IL19: variants seen among roughly 807,000 people sequenced by gnomAD.
IL19 encodes interleukin 19.
Under a neutral mutation model 19.5 loss-of-function variants are expected in IL19, and 15 were observed. The ratio of observed to expected loss-of-function variants is 0.77; its 90% CI spans 0.52 to 1.19. The LOEUF (loss-of-function observed/expected upper bound fraction) is 1.19. IL19 is among the 50% of genes most tolerant of loss of function. IL19 has a pLI of 0.00. For synonymous variants in IL19, 78 were observed against 78.3 expected (o/e 1.00, Z 0.02); for missense variants, 199 against 213.1 (o/e 0.93, Z 0.41).
intron 2 of IL19, among the ~76,000 whole-genome samples, chr1:206,802,173 G>A (rs1377348498): frequency 1.3e-5 from 2 of 152,100 alleles, no homozygotes; most frequent in African/African-American, 4.8e-5. Context: ...AGAGGCCCAG[G>A]AAGGAAGGTC....
intron 1 of IL19, among the ~76,000 whole-genome samples, chr1:206,791,450 C>T (rs1001328844): frequency 1.4e-4 from 21 of 152,042 alleles, no homozygotes; most frequent in African/African-American, 4.8e-4. Context: ...TCACAGGCGC[C>T]GGCCATCATG....
chr1:206,818,434 C>CA (rs1253350282), intron 2 of IL19, among the ~76,000 whole-genome samples: 2 of 152,002 alleles, frequency 1.3e-5, no homozygotes, highest in African/African-American at 4.8e-5. Flanking sequence ...TGAAACCAGA[C>CA]AAAAAAGACT....
intron 1 of IL19, among the ~76,000 whole-genome samples, chr1:206,773,411 T>C (rs2102442039): frequency 6.6e-6 from 1 of 152,310 alleles, no homozygotes; most frequent in Non-Finnish European, 1.5e-5. Context: ...GAGTTTCTTT[T>C]AGTTGTAAGC....
intron 2 of IL19, among the ~76,000 whole-genome samples, chr1:206,804,188 C>T (rs1675788374): frequency 6.6e-6 from 1 of 152,174 alleles, no homozygotes; most frequent in Non-Finnish European, 1.5e-5. Context: ...CCACATTCAC[C>T]TGCCTATCAA....
chr1:206,840,918 T>C, intron 5 of IL19, 86 bp from the exon 6 acceptor site: 1 of 1,080,712 alleles, frequency 9.3e-7, no homozygotes, highest in Non-Finnish European at 1.4e-6. Context: ...GGAGGAGAAA[T>C]GTCACTTCTC....
rs770379478 is a variant in IL19, at chr1:206,840,016, T to C, written c.363+14T>C. ...CTGCGGCAATGTGTGAGTCACTGGG[T>C]CAGAATTCCAGCATCTGCTCCCTGT... On this transcript the variant is annotated intron_variant, in intron 5 of 6. Coordinates refer to ENST00000659997, the MANE Select transcript of IL19 (RefSeq NM_153758.5). 6.2e-7 allele frequency: 1 copy of C among 1,614,110 alleles called. No homozygotes were observed. Among genetic ancestry groups the C allele is most frequent in the South Asian group, 1.1e-5 (1 of 91,084 alleles).
Position 206,836,943 on chromosome 1 carries a change from T to A in IL19, c.145-15T>A. The A allele has an allele frequency of 1.2e-6, 2 of 1,612,876 alleles. No individual in the cohort carries two copies. Among genetic ancestry groups the A allele is most frequent in the Non-Finnish European group, 1.7e-6 (2 of 1,178,832 alleles). On this transcript the variant is annotated splice_polypyrimidine_tract_variant and intron_variant, in intron 3 of 6. Transcript: ENST00000659997. ...TACCGATTGCTTATGTCTGTTCTTA[T>A]GTTTCCCTCCACAGCAAGCTAAGGA...
At chr1:206,783,838 A>G (rs1056140724) in intron 1 of IL19, among the ~76,000 whole-genome samples, 1 of 152,208 alleles carries the variant, frequency 6.6e-6, no homozygotes, top group Non-Finnish European at 1.5e-5. Flanking sequence ...CCTGTGCGGC[A>G]GTATCTATAT....
chr1:206,839,709 A>G, intron 4 of IL19, 141 bp from the exon 5 acceptor site: 1 of 713,792 alleles, frequency 1.4e-6, no homozygotes, highest in Non-Finnish European at 2.4e-6. Flanking sequence ...AGAGAGGATG[A>G]ACACTCTGAG....
chr1:206,835,812 G>A (rs1676770922), intron 2 of IL19, among the ~76,000 whole-genome samples: 1 of 152,260 alleles, frequency 6.6e-6, no homozygotes, highest in South Asian at 2.1e-4. Context: ...CCCATAAGCT[G>A]TACCATTATA....
chr1:206,824,009 C>T (rs1676365365), intron 2 of IL19, among the ~76,000 whole-genome samples: 1 of 152,196 alleles, frequency 6.6e-6, no homozygotes, highest in Non-Finnish European at 1.5e-5. Flanking sequence ...AGAATGTTCT[C>T]AACCTTGAAT....
chr1:206,785,813 C>T (rs1675257617), intron 1 of IL19, among the ~76,000 whole-genome samples: 2 of 152,184 alleles, frequency 1.3e-5, no homozygotes, highest in Admixed American at 6.5e-5. Flanking sequence ...ATAGTGTAAC[C>T]CCTGCTTTGT....
At chr1:206,808,316 C>T (rs1423470419) in intron 2 of IL19, among the ~76,000 whole-genome samples, 7 of 152,096 alleles carry the variant, frequency 4.6e-5, no homozygotes, top group Non-Finnish European at 7.4e-5. Context: ...AGAAACAGAG[C>T]GAGACTCCAT....
intron 2 of IL19, among the ~76,000 whole-genome samples, chr1:206,804,945 T>C (rs1331736327): frequency 6.6e-6 from 1 of 152,246 alleles, no homozygotes; most frequent in Non-Finnish European, 1.5e-5. Flanking sequence ...CCTTCCTTTC[T>C]AAATCATACC....
intron 1 of IL19, chr1:206,772,234 C>T (rs1674872474): frequency 1.3e-6 from 2 of 1,596,662 alleles, no homozygotes; most frequent in East Asian, 2.2e-5. Flanking sequence ...CAGGCAGTCC[C>T]AGGAAGAGAG....
At chr1:206,777,687 G>A (rs775139422) in intron 1 of IL19, among the ~76,000 whole-genome samples, 1 of 152,216 alleles carries the variant, frequency 6.6e-6, no homozygotes, top group Admixed American at 6.5e-5. Context: ...AGGTGAGACC[G>A]TGCCCATCTT....
intron 1 of IL19, among the ~76,000 whole-genome samples, chr1:206,796,069 G>A (rs867224000): frequency 2.0e-5 from 3 of 151,902 alleles, no homozygotes; most frequent in South Asian, 2.1e-4. Context: ...GGTATAGTTC[G>A]AAGGCCAGTT....
intron 2 of IL19, among the ~76,000 whole-genome samples, chr1:206,835,784 G>T (rs1266113482): frequency 6.6e-6 from 1 of 152,198 alleles, no homozygotes; most frequent in Non-Finnish European, 1.5e-5. Flanking sequence ...GTGAAATGTG[G>T]GTGAAAACAG....
At position 206,829,862 on chromosome 1, in the gene IL19, AG is replaced by A. The variant is rs144738232; in HGVS notation, c.-2-6798del. On this transcript the variant is annotated intron_variant, in intron 2 of 6. Transcript: ENST00000659997. ...TGAGGCTTTGAACAGACTTTGACCA[AG>A]ATCCCTGTGGGCAAAAAAGGAGGAG... Among the ~76,000 whole-genome samples the A allele has an allele frequency of 9.2e-3, 1,404 of 152,310 alleles. 10 individuals carry two copies. Among genetic ancestry groups the A allele is most frequent in the African/African-American group, 0.031 (1,304 of 41,556 alleles).
Sources: allele counts gnomAD v4.1 joint callset (sites outside exome capture counted in the v4.1 genomes callset), GRCh38; gene constraint gnomAD v4.1.1; transcripts MANE v1.5; gene names NCBI Gene and HGNC (gene_info 2026-07-23, HGNC 2026-07-21).